SLC8A1: variants seen among roughly 807,000 people sequenced by gnomAD.
SLC8A1 encodes solute carrier family 8 member A1.
SLC8A1 carries 18 observed loss-of-function variants against 68.3 expected under a neutral mutation model. The ratio of observed to expected loss-of-function variants is 0.26; its 90% CI spans 0.18 to 0.39. The LOEUF (loss-of-function observed/expected upper bound fraction) is 0.39, where lower values mean the gene tolerates loss of function less well. Among genes scored for constraint, SLC8A1 ranks in the 10% least tolerant of loss-of-function variants. The pLI, the probability that SLC8A1 is intolerant of heterozygous loss-of-function variation, is 1.00. For synonymous variants in SLC8A1, 475 were observed against 415.5 expected, an observed-to-expected ratio of 1.14 and a Z score of -1.74; for missense variants, 985 against 1,156.7, an observed-to-expected ratio of 0.85 and a Z score of 2.15.
At chr2:40,242,589 G>T (rs2061363857) in intron 2 of SLC8A1, among the ~76,000 whole-genome samples, 1 of 152,148 alleles carries the variant, frequency 6.6e-6, no homozygotes, top group South Asian at 2.1e-4. Context: ...AATGTCAAAG[G>T]TCTACAAATG....
chr2:40,399,751 G>A (rs1319367233), intron 2 of SLC8A1, among the ~76,000 whole-genome samples: 1 of 152,110 alleles, frequency 6.6e-6, no homozygotes, highest in Non-Finnish European at 1.5e-5. Context: ...TTAAGTTGCT[G>A]AAACTGACAT....
intron 2 of SLC8A1, among the ~76,000 whole-genome samples, chr2:40,201,286 G>A (rs1259814389): frequency 6.6e-6 from 1 of 151,784 alleles, no homozygotes; most frequent in Non-Finnish European, 1.5e-5. Context: ...ACTTGTCAAA[G>A]GTATGACTGG....
At chr2:40,427,088 A>T (rs900953958) in intron 2 of SLC8A1, among the ~76,000 whole-genome samples, 2 of 152,218 alleles carry the variant, frequency 1.3e-5, no homozygotes, top group South Asian at 4.1e-4. Context: ...ATAGATATTA[A>T]TCAAAACACT....
intron 2 of SLC8A1, among the ~76,000 whole-genome samples, chr2:40,361,071 A>G (rs961966993): frequency 1.2e-4 from 18 of 152,136 alleles, no homozygotes; most frequent in Admixed American, 2.0e-4. Context: ...CATCAGATAG[A>G]GTAGAGAAAA....
chr2:40,200,892 CTG>C (rs1320449621), intron 2 of SLC8A1, among the ~76,000 whole-genome samples: 2 of 151,676 alleles, frequency 1.3e-5, no homozygotes, highest in African/African-American at 2.4e-5. Flanking sequence ...TATGATAAAA[CTG>C]GTGAGTATGA....
At chr2:40,452,996 C>T (rs1326748888), upstream of SLC8A1, among the ~76,000 whole-genome samples, 1 of 152,144 alleles carries the variant, frequency 6.6e-6, no homozygotes, top group East Asian at 1.9e-4. Context: ...ATTATCATTG[C>T]CAATAAATCA....
intron 2 of SLC8A1, among the ~76,000 whole-genome samples, chr2:40,304,973 G>A (rs2072292840): frequency 6.6e-6 from 1 of 152,172 alleles, no homozygotes. Context: ...CTAAACTTTA[G>A]AGTGCATCTG....
rs149575208 is a variant in SLC8A1 at position 40,221,866 on chromosome 2, G to C, written c.1809-44011C>G. ...AGAACTCCACTGCTCAAGGAAATAA[G>C]AGAGGACACAAACAAATGGAAAAGC... On this transcript the variant is annotated intron_variant, in intron 2 of 7. Transcript: ENST00000406785. Among the ~76,000 whole-genome samples, 995 of 152,292 alleles carry C rather than the reference G, an allele frequency of 6.5e-3. 10 individuals carry two copies. Among genetic ancestry groups the C allele is most frequent in the African/African-American group, 0.022 (922 of 41,572 alleles).
intron 1 of SLC8A1, among the ~76,000 whole-genome samples, chr2:40,487,958 A>C (rs1310954531): frequency 6.6e-6 from 1 of 152,212 alleles, no homozygotes; most frequent in Non-Finnish European, 1.5e-5. Flanking sequence ...ACTACCAGCC[A>C]CAGGGAAAGA....
At chr2:40,403,848 C>T (rs554017590) in intron 2 of SLC8A1, among the ~76,000 whole-genome samples, 177 of 152,246 alleles carry the variant, frequency 1.2e-3, no homozygotes, top group Non-Finnish European at 1.8e-3. Flanking sequence ...AAAAATACAG[C>T]TATGAAGCAA....
intron 2 of SLC8A1, among the ~76,000 whole-genome samples, chr2:40,287,738 G>A (rs1008532751): frequency 2.0e-5 from 3 of 151,802 alleles, no homozygotes; most frequent in Non-Finnish European, 4.4e-5. Context: ...ATGGGAAACT[G>A]GCATGGGGCT....
intron 2 of SLC8A1, among the ~76,000 whole-genome samples, chr2:40,331,207 G>C (rs2076371492): frequency 6.6e-6 from 1 of 152,194 alleles, no homozygotes; most frequent in Non-Finnish European, 1.5e-5. Context: ...GCTAAGCTTA[G>C]TGTCTGGCAC....
chr2:40,440,381 A>G (rs1700243213), intron 1 of SLC8A1, among the ~76,000 whole-genome samples: 1 of 152,190 alleles, frequency 6.6e-6, no homozygotes, highest in Admixed American at 6.5e-5. Context: ...TCTATTTAAT[A>G]ATTTAATTAG....
intron 2 of SLC8A1, among the ~76,000 whole-genome samples, chr2:40,313,064 G>A (rs370584768): frequency 5.3e-5 from 8 of 151,842 alleles, no homozygotes; most frequent in East Asian, 3.9e-4. Context: ...GGTAATAAAC[G>A]TATCCATTAC....
At chr2:40,178,322 AG>A in intron 2 of SLC8A1, 64 bp downstream of exon 3, 1 of 1,157,314 alleles carries the variant, frequency 8.6e-7, no homozygotes, top group East Asian at 2.3e-5. Context: ...TGAAGAGTGC[AG>A]GCATCCAGGG....
exon 2 of SLC8A1, chr2:40,429,104 T>G (rs1487670784): frequency 6.2e-7 from 1 of 1,613,054 alleles, no homozygotes; most frequent in Non-Finnish European, 8.5e-7. Flanking sequence ...ACCTCGTGCA[T>G]GCTGACAGCC....
intron 2 of SLC8A1, among the ~76,000 whole-genome samples, chr2:40,401,325 A>G (rs1384321997): frequency 7.2e-5 from 11 of 152,102 alleles, no homozygotes; most frequent in African/African-American, 2.7e-4. Context: ...TGTTCATACT[A>G]TTTCTTCCCC....
intron 2 of SLC8A1, among the ~76,000 whole-genome samples, chr2:40,275,389 C>T (rs139846516): frequency 1.1e-3 from 161 of 152,346 alleles, no homozygotes; most frequent in African/African-American, 3.8e-3. Context: ...CTACAAGTGT[C>T]ACTTGAACCT....
intron 2 of SLC8A1, among the ~76,000 whole-genome samples, chr2:40,338,612 T>C (rs1666749830): frequency 6.6e-6 from 1 of 152,178 alleles, no homozygotes; most frequent in Non-Finnish European, 1.5e-5. Flanking sequence ...CAATGATTAC[T>C]GAGACTAAGC....
Sources: allele counts gnomAD v4.1 joint callset (sites outside exome capture counted in the v4.1 genomes callset), GRCh38; gene constraint gnomAD v4.1.1; transcripts MANE v1.5; gene names NCBI Gene and HGNC (gene_info 2026-07-23, HGNC 2026-07-21).